Variants in OSBPL5 observed in about 807,000 individuals in gnomAD.
OSBPL5 encodes oxysterol-binding protein-related protein 5.
A neutral mutation model predicts 111.2 loss-of-function variants in OSBPL5; 71 were observed. The ratio of observed to expected loss-of-function variants is 0.64; its 90% CI spans 0.53 to 0.78. The LOEUF (loss-of-function observed/expected upper bound fraction) is 0.78. Ranked by LOEUF, OSBPL5 falls within the 30% of genes least tolerant of loss-of-function variation. The probability of loss-of-function intolerance (pLI) is 0.00; values close to 1 mark genes in which losing one functional copy is unlikely to be tolerated. For synonymous variants in OSBPL5, 549 were observed against 513.9 expected (o/e 1.07, Z -0.93); for missense variants, 1,210 against 1,189.3 (o/e 1.02, Z -0.26).
At chr11:3,112,578 T>TA (rs528422779) in intron 7 of OSBPL5, among the ~76,000 whole-genome samples, 2 of 151,694 alleles carry the variant, frequency 1.3e-5, no homozygotes, top group South Asian at 2.1e-4. Flanking sequence ...TGTCTTTGTT[T>TA]AAAAAAAATT....
At position 3,090,226 on chromosome 11, in the gene OSBPL5, T is replaced by C. The variant is rs111557212; in HGVS notation, c.2399-278A>G. 5.5e-3 allele frequency among the ~76,000 whole-genome samples: 842 copies of C among 152,190 alleles called. 8 individuals carry two copies. Among genetic ancestry groups the C allele is most frequent in the African/African-American group, 0.019 (803 of 41,528 alleles). On this transcript the variant is annotated intron_variant, in intron 20 of 21. Coordinates refer to ENST00000263650, the MANE Select transcript of OSBPL5 (RefSeq NM_020896.4). ...ATCCATTACAGAGGCAGGGACAAAG[T>C]TGGGGAGACACAGCTCCTGGTGACA... is the stretch of plus-strand genomic sequence containing the variant.
intron 1 of OSBPL5, among the ~76,000 whole-genome samples, chr11:3,135,144 A>T: frequency 6.6e-6 from 1 of 151,978 alleles, no homozygotes; most frequent in Admixed American, 6.6e-5. Context: ...GTCTCTTTGG[A>T]CCTGAAGTGC....
chr11:3,098,350 C>T (rs552710253), intron 14 of OSBPL5, among the ~76,000 whole-genome samples: 8 of 151,160 alleles, frequency 5.3e-5, no homozygotes, highest in Admixed American at 4.0e-4. Flanking sequence ...AGGAGTGAGG[C>T]ACTTAAAAAA....
intron 1 of OSBPL5, chr11:3,129,387 G>T (rs10766658): frequency 0.67 from 239,098 of 358,458 alleles, 81,585 homozygotes; most frequent in African/African-American, 0.82. Flanking sequence ...TTTCCACGCC[G>T]GGCAGTAGGG....
chr11:3,126,046 A>T lies in OSBPL5; in HGVS notation c.219+427T>A, dbSNP rs1308243260. The stretch of plus-strand genomic sequence containing the variant: ...GCAAGCGTTGGTGAGGATGTGAGGA[A>T]CTGGAGCCCTTGTGCACTGTGGGTG... On this transcript the variant is annotated intron_variant, in intron 3 of 21. Transcript: ENST00000263650. This position sits in a 1 kb window ranked among gnomAD's most constrained non-coding sequence, Gnocchi z 6.5. 1.3e-5 allele frequency among the ~76,000 whole-genome samples: 2 copies of T among 152,212 alleles called. No homozygotes were observed. Among genetic ancestry groups the T allele is most frequent in the Non-Finnish European group, 2.9e-5 (2 of 68,032 alleles).
rs1292954990 is a variant in OSBPL5 at position 3,106,836 on chromosome 11, C to A, written c.1059+427G>T. ...GTCTCATTCATGGCTCTCCCAGGGC[C>A]CCAGGAGAGCACCAGGTGTGCAGGT... On this transcript the variant is annotated intron_variant, in intron 9 of 21. Transcript: ENST00000263650. This position sits in a 1 kb window ranked among gnomAD's most constrained non-coding sequence, Gnocchi z 8.4. 6.6e-6 allele frequency among the ~76,000 whole-genome samples: 1 copy of A among 152,162 alleles called. No individual in the cohort carries two copies.
chr11:3,135,089 T>C (rs550749878), intron 1 of OSBPL5, among the ~76,000 whole-genome samples: 1 of 152,340 alleles, frequency 6.6e-6, no homozygotes, highest in South Asian at 2.1e-4. Flanking sequence ...TCCAAGAACG[T>C]TTCCCCAGCT....
In OSBPL5 at chr11:3,143,850, G is replaced by A. The variant is rs147406714; in HGVS notation, c.-21-14681C>T. Among the ~76,000 whole-genome samples, 120 of 152,348 alleles carry A rather than the reference G, an allele frequency of 7.9e-4. 1 individual carries two copies. The East Asian group carries it at 0.022, about 27-fold the overall frequency. On this transcript the variant is annotated intron_variant, in intron 1 of 21. Coordinates refer to ENST00000263650, the MANE Select transcript of OSBPL5 (RefSeq NM_020896.4). Reference sequence around the variant, plus strand: ...GGGATCCTCCTAGCTCCTGGCCGTGGTCATAGCTGAGCAGGGCCCGAGGAA... The same window carrying A: ...GGGATCCTCCTAGCTCCTGGCCGTGATCATAGCTGAGCAGGGCCCGAGGAA...
At chr11:3,090,742 C>T in intron 19 of OSBPL5, 46 bp from the exon 20 acceptor site, 1 of 1,561,036 alleles carries the variant, frequency 6.4e-7, no homozygotes, top group Non-Finnish European at 8.7e-7. Context: ...CCCACGCCCC[C>T]TGCCCAGGCC....
chr11:3,119,150 C>T lies in OSBPL5; in HGVS notation c.691+397G>A, dbSNP rs112010536. Among the ~76,000 whole-genome samples the T allele has an allele frequency of 1.3e-3, 192 of 152,222 alleles. 1 individual carries two copies. The highest frequency in any genetic ancestry group is 4.3e-3 in the African/African-American group (179 of 41,522). ...TCAGTCTCCCGAGTAGCTGGGATTA[C>T]AGGCGCCTGCCACCACGCCTGGCTA... is the stretch of plus-strand genomic sequence containing the variant. On this transcript the variant is annotated intron_variant, in intron 7 of 21. Coordinates refer to ENST00000263650, the MANE Select transcript of OSBPL5 (RefSeq NM_020896.4).
intron 3 of OSBPL5, 98 bp from the exon 4 acceptor site, chr11:3,122,526 C>T (rs1858459792): frequency 9.4e-7 from 1 of 1,063,870 alleles, no homozygotes; most frequent in Non-Finnish European, 1.4e-6. Flanking sequence ...GGGCAGAAGT[C>T]AGAGAAGGGC....
intron 1 of OSBPL5, among the ~76,000 whole-genome samples, chr11:3,157,018 G>A (rs1428113421): frequency 1.3e-5 from 2 of 152,272 alleles, no homozygotes; most frequent in African/African-American, 4.8e-5. Flanking sequence ...CCACTCCTCG[G>A]GGCCCCCAAG....
chr11:3,149,995 GATGC>G (rs1262472670), intron 1 of OSBPL5, among the ~76,000 whole-genome samples: 1 of 152,158 alleles, frequency 6.6e-6, no homozygotes, highest in Non-Finnish European at 1.5e-5. Flanking sequence ...CATGTGCACA[GATGC>G]ATGCATGCAC....
intron 1 of OSBPL5, among the ~76,000 whole-genome samples, chr11:3,131,715 CATCCATCCATCCATCCA>C (rs1845794724): frequency 2.0e-5 from 3 of 148,122 alleles, no homozygotes; most frequent in African/African-American, 5.0e-5. Context: ...TCCATCCATC[CATCCATCCATCCATCCA>C]TCCTCCCAGG....
intron 1 of OSBPL5, among the ~76,000 whole-genome samples, chr11:3,150,912 G>A (rs1045579748): frequency 3.3e-5 from 5 of 152,178 alleles, no homozygotes; most frequent in East Asian, 1.9e-4. Flanking sequence ...GAGTCACGGC[G>A]GGCTGCCCGC....
Position 3,093,541 on chromosome 11 carries a change from C to A in OSBPL5, c.1932G>T (p.Glu644Asp). 1 of 1,609,922 alleles carries A rather than the reference C, an allele frequency of 6.2e-7. No individual in the cohort carries two copies. ...QHTVPLEEQT[E>D]LESERLWQHV... ...ACAGGCCTCACCTCTCGGACTCCAG[C>A]TCCGTCTGCTCCTCCAGCGGCACCG... Residue 644 changes from glutamate (E) to aspartate (D), a missense_variant, in exon 17 of 22, where the codon GAG becomes GAT. Glu to Asp is a conservative substitution (Grantham distance 45). Coordinates refer to ENST00000263650, the MANE Select transcript of OSBPL5 (RefSeq NM_020896.4).
At chr11:3,101,498 C>T in intron 13 of OSBPL5, 105 bp downstream of exon 13, 6 of 1,064,624 alleles carry the variant, frequency 5.6e-6, no homozygotes, top group Non-Finnish European at 8.3e-6. Context: ...TTGGGAGGGA[C>T]AGGCACATGG....
chr11:3,144,179 C>T (rs575522847), intron 1 of OSBPL5, among the ~76,000 whole-genome samples: 7 of 152,156 alleles, frequency 4.6e-5, no homozygotes, highest in East Asian at 1.9e-4. Flanking sequence ...AAAAACCCAA[C>T]GCGGGTGGAA....
In OSBPL5 at chr11:3,142,926, G is replaced by A. The variant is rs983319817; in HGVS notation, c.-21-13757C>T. ...CGGACGGCACACGGGGTGGGGGTGT[G>A]TGAGCAGAGACCCTTGGGACCCAGC... On this transcript the variant is annotated intron_variant, in intron 1 of 21. Coordinates refer to ENST00000263650, the MANE Select transcript of OSBPL5 (RefSeq NM_020896.4). This position sits in a 1 kb window ranked among gnomAD's most constrained non-coding sequence, Gnocchi z 7.1. 6.6e-6 allele frequency among the ~76,000 whole-genome samples: 1 copy of A among 150,786 alleles called. No individual in the cohort carries two copies. Among genetic ancestry groups the A allele is most frequent in the South Asian group, 2.1e-4 (1 of 4,672 alleles).
Sources: allele counts gnomAD v4.1 joint callset (sites outside exome capture counted in the v4.1 genomes callset), GRCh38; gene constraint gnomAD v4.1.1; non-coding constraint Gnocchi (gnomAD v3.1); transcripts MANE v1.5; gene names NCBI Gene and HGNC (gene_info 2026-07-23, HGNC 2026-07-21).